The following NLRP14 variants were observed in gnomAD, a reference collection of about 807,000 sequenced individuals.
NLRP14 encodes NLR family pyrin domain containing 14.
NLRP14 carries 105 observed loss-of-function variants against 94.7 expected under a neutral mutation model. The observed-to-expected ratio is 1.11, with a 90% CI of 0.95 to 1.30. NLRP14 has a LOEUF of 1.30. Among genes scored for constraint, NLRP14 ranks in the 50% most tolerant of loss-of-function variants. The probability of loss-of-function intolerance (pLI) is 0.00; values close to 1 mark genes in which losing one functional copy is unlikely to be tolerated. For missense variants in NLRP14, 1,362 were observed against 1,254.1 expected, an observed-to-expected ratio of 1.09 and a Z score of -1.30; for synonymous variants, 508 against 459.9, an observed-to-expected ratio of 1.10 and a Z score of -1.34.
the NLRP14 span, among the ~76,000 whole-genome samples, chr11:7,088,548 C>A: frequency 6.6e-6 from 1 of 151,638 alleles, no homozygotes; most frequent in Admixed American, 6.6e-5. Context: ...GACAATAGCA[C>A]CAAATAAAAT....
chr11:7,077,236 A>C, the NLRP14 span, among the ~76,000 whole-genome samples: 3 of 152,196 alleles, frequency 2.0e-5, no homozygotes, highest in Non-Finnish European at 4.4e-5. Context: ...GGCGCCTGGT[A>C]GGGGCGTGGG....
intron 3 of NLRP14, among the ~76,000 whole-genome samples, chr11:7,041,272 TA>T (rs996804495): frequency 1.3e-5 from 2 of 152,196 alleles, no homozygotes; most frequent in African/African-American, 2.4e-5. Flanking sequence ...CAAAATGAGC[TA>T]TTTTTTTAAA....
the NLRP14 span, chr11:7,090,629 C>A: frequency 2.6e-6 from 1 of 378,948 alleles, no homozygotes; most frequent in Admixed American, 4.2e-5. Flanking sequence ...GCAAACAGTT[C>A]TAAGATCTTT....
chr11:7,058,585 T>C, intron 8 of NLRP14, 135 bp downstream of exon 8: 2 of 697,674 alleles, frequency 2.9e-6, no homozygotes, highest in Non-Finnish European at 5.0e-6. Context: ...GAAAGTGATA[T>C]TAATAATTGC....
chr11:7,090,301 C>G, the NLRP14 span: 2 of 1,590,070 alleles, frequency 1.3e-6, no homozygotes, highest in Admixed American at 1.8e-5. Context: ...AGATACTAAG[C>G]AGGAACAGAC....
At chr11:7,025,534 G>A (rs1852002305) in intron 1 of NLRP14, among the ~76,000 whole-genome samples, 1 of 151,998 alleles carries the variant, frequency 6.6e-6, no homozygotes, top group South Asian at 2.1e-4. Flanking sequence ...ATGTATAAAG[G>A]ATGCAATAAA....
intron 10 of NLRP14, among the ~76,000 whole-genome samples, chr11:7,069,635 TA>T (rs1196246487): frequency 1.8e-5 from 1 of 55,444 alleles, no homozygotes; most frequent in Non-Finnish European, 6.3e-5. Flanking sequence ...TATTTTATTT[TA>T]TTTTTTTTGA....
At chr11:7,078,462 A>AG in the NLRP14 span, among the ~76,000 whole-genome samples, 104 of 88,512 alleles carry the variant, frequency 1.2e-3, 23 homozygotes, top group African/African-American at 2.3e-3. Context: ...AAAAAAAAAA[A>AG]CAAAAAAATT....
chr11:7,082,423 TATC>T, the NLRP14 span, among the ~76,000 whole-genome samples: 1 of 152,208 alleles, frequency 6.6e-6, no homozygotes, highest in Admixed American at 6.5e-5. Context: ...TTCAGTCTAT[TATC>T]ATATTTCATG....
the NLRP14 span, chr11:7,089,749 G>A: frequency 6.4e-7 from 1 of 1,558,486 alleles, no homozygotes; most frequent in South Asian, 1.2e-5. Context: ...CTGGGCCCGC[G>A]GGATGAGGGC....
Position 7,062,472 on chromosome 11 carries a change from A to C in NLRP14, c.2944A>C (p.Arg982=), listed in dbSNP as rs747517570. ...AGTGAAAATTCTGTGTGATGCTTTG[A>C]GATATCCAAACTGTAACATTCAGAG... ...DGVKILCDAL[R]YPNCNIQRLG... is the part of the protein sequence containing the mutation. The change falls in exon 10 of 12, where the codon AGA becomes CGA. Residue 982 remains arginine, a synonymous_variant. Coordinates refer to ENST00000299481, the MANE Select transcript of NLRP14 (RefSeq NM_176822.4). 6.2e-7 allele frequency: 1 copy of C among 1,613,122 alleles called. No individual in the cohort carries two copies. Among genetic ancestry groups the C allele is most frequent in the South Asian group, 1.1e-5 (1 of 91,072 alleles).
chr11:7,022,392 T>C (rs1404185205), intron 1 of NLRP14, among the ~76,000 whole-genome samples: 2 of 152,166 alleles, frequency 1.3e-5, no homozygotes, highest in African/African-American at 2.4e-5. Context: ...TGCAGATTCT[T>C]CATAGCAAAT....
rs1175051363 is a variant in NLRP14, at chr11:7,038,563, C to A, written c.-21-3C>A. ...CTTTTGGTTATTTTTTTTCCCCCCA[C>A]AGAGGCCTGAATATTTGGACAAGAT... On this transcript the variant is annotated splice_region_variant and splice_polypyrimidine_tract_variant and intron_variant, in intron 1 of 11. Coordinates refer to ENST00000299481, the MANE Select transcript of NLRP14 (RefSeq NM_176822.4). The A allele has an allele frequency of 6.2e-7, 1 of 1,611,672 alleles. No individual in the cohort carries two copies. Among genetic ancestry groups the A allele is most frequent in the Admixed American group, 1.7e-5 (1 of 60,018 alleles).
At chr11:7,089,095 A>G in the NLRP14 span, 2 of 1,607,246 alleles carry the variant, frequency 1.2e-6, no homozygotes, top group Non-Finnish European at 1.7e-6. Context: ...TCCCACCGCC[A>G]CTGACCGACC....
chr11:7,025,356 G>C (rs991100954), intron 1 of NLRP14, among the ~76,000 whole-genome samples: 1 of 152,090 alleles, frequency 6.6e-6, no homozygotes, highest in Non-Finnish European at 1.5e-5. Context: ...AATGTTTAAG[G>C]ATTTTCAAGA....
chr11:7,043,478 G>A lies in NLRP14; in HGVS notation c.1452G>A (p.Gln484=), dbSNP rs150306147. ...ATGTGTTCACCCACCTTCATGTTCAGGAGTTTTTTGCAGCTATGTTCTATA... is the reference window on the plus strand; with the variant it reads ...ATGTGTTCACCCACCTTCATGTTCAAGAGTTTTTTGCAGCTATGTTCTATA... ...NCYVFTHLHV[Q]EFFAAMFYML... is the part of the protein sequence containing the mutation. Residue 484 remains glutamine (Q), a synonymous_variant, in exon 4 of 12, where the codon CAG becomes CAA. Transcript: ENST00000299481. 4,949 of 1,614,168 alleles carry A rather than the reference G, an allele frequency of 3.1e-3. 12 individuals are homozygous for A. The highest frequency in any genetic ancestry group is 3.6e-3 in the Non-Finnish European group (4,203 of 1,180,036).
the NLRP14 span, among the ~76,000 whole-genome samples, chr11:7,084,077 G>C: frequency 5.9e-5 from 9 of 152,146 alleles, no homozygotes; most frequent in African/African-American, 2.2e-4. Context: ...CAAACATAGA[G>C]GTGGCCTTCC....
intron 5 of NLRP14, among the ~76,000 whole-genome samples, chr11:7,048,437 G>C (rs1171856968): frequency 6.6e-6 from 1 of 152,074 alleles, no homozygotes; most frequent in Non-Finnish European, 1.5e-5. Flanking sequence ...AGGTACATTT[G>C]TTGCTTAGTA....
chr11:7,073,662 G>A (rs1018428765), downstream of NLRP14, among the ~76,000 whole-genome samples: 1 of 152,132 alleles, frequency 6.6e-6, no homozygotes, highest in Non-Finnish European at 1.5e-5. Flanking sequence ...AATTTGCTAG[G>A]ATGGCTCACA....
Sources: gnomAD v4.1 joint callset for allele counts (sites outside exome capture counted in the v4.1 genomes callset) on GRCh38, gnomAD v4.1.1 for gene constraint, MANE v1.5 for transcripts, NCBI Gene and HGNC (gene_info 2026-07-23, HGNC 2026-07-21) for gene names.